Variants in DNM1 observed in about 807,000 individuals in gnomAD.
DNM1 encodes the protein dynamin 1.
In DNM1, 29 loss-of-function variants were observed where a neutral mutation model predicts 104.6. The observed-to-expected ratio is 0.28, with a 90% CI of 0.21 to 0.38. The LOEUF (loss-of-function observed/expected upper bound fraction) is 0.38. DNM1 is among the 10% of genes least tolerant of loss of function. The probability of loss-of-function intolerance (pLI) is 1.00; values close to 1 mark genes in which losing one functional copy is unlikely to be tolerated. For missense variants in DNM1, 640 were observed against 1,189.4 expected (o/e 0.54, Z 6.79); for synonymous variants, 445 against 475.8 (o/e 0.94, Z 0.84).
At chr9:128,204,509 A>C (rs977414110) in intron 1 of DNM1, 27 of 152,260 alleles carry the variant, frequency 1.8e-4, no homozygotes, top group African/African-American at 6.3e-4. Context: ...TAGGTGGCGG[A>C]GAGAGGAACA....
In DNM1 at chr9:128,218,759, C is replaced by A. The variant is rs778852942; in HGVS notation, c.385+28C>A. On this transcript the variant is annotated intron_variant, in intron 3 of 21. Transcript: ENST00000372923. This position sits in a 1 kb window ranked among gnomAD's most constrained non-coding sequence, Gnocchi z 4.8. ...GAGGACCCTGGCCCCGCCCTAACCT[C>A]TAAGAATCATTTTCTTGGCCACGCA... The A allele has an allele frequency of 5.4e-5, 85 of 1,567,960 alleles. 1 individual carries two copies. The South Asian group carries it at 5.9e-4, about 11-fold the overall frequency.
intron 11 of DNM1, among the ~76,000 whole-genome samples, chr9:128,238,104 C>G (rs1836123445): frequency 6.6e-6 from 1 of 151,286 alleles, no homozygotes; most frequent in Admixed American, 6.6e-5. Flanking sequence ...TAAATATTGC[C>G]AAATTGCCCT....
chr9:128,216,567 G>A (rs929089074), intron 1 of DNM1, among the ~76,000 whole-genome samples: 1 of 152,194 alleles, frequency 6.6e-6, no homozygotes, highest in Non-Finnish European at 1.5e-5. Context: ...GCGCAGAAAT[G>A]ATGAATATAC....
At position 128,254,959 on chromosome 9, in the gene DNM1, GCCAA is replaced by G. The variant is rs919688644; in HGVS notation, c.*248_*251del. ...TCATATATATACACACCTACACATG[GCCAA>G]CCGCCTCGCCTCTAGCGCTGGGAAT... On this transcript the variant is annotated 3_prime_UTR_variant, in exon 22 of 22. Transcript: ENST00000372923. The surrounding 1 kb of genome is among the most constrained non-coding windows in gnomAD (Gnocchi z 6.1). The G allele has an allele frequency of 1.2e-5, 5 of 414,430 alleles. No homozygotes were observed. The highest frequency in any genetic ancestry group is 1.3e-5 in the Non-Finnish European group (3 of 234,418). 25.7% of individuals were successfully genotyped at this position (414,430 alleles called of 1,614,324 possible). A position where few individuals can be genotyped will look rare whatever the true frequency, so the allele number is the denominator to read the frequency against.
rs1032611723 is a variant in DNM1 at position 128,218,153 on chromosome 9, AG to A, written c.162-74del. The A allele has an allele frequency of 7.0e-7, 1 of 1,425,030 alleles. No individual in the cohort carries two copies. The highest frequency in any genetic ancestry group is 1.4e-5 in the African/African-American group (1 of 71,060). The allele number at this position is 1,425,030 out of a possible 1,614,324, so 88.3% of individuals were successfully genotyped here. ...CTTTGGAAGGAGCTTTGGCTTTCCC[AG>A]GGGCCGGACAGGTACCCCTGGGACA... On this transcript the variant is annotated intron_variant, in intron 1 of 21. Coordinates refer to ENST00000372923, the MANE Select transcript of DNM1 (RefSeq NM_004408.4). This position sits in a 1 kb window ranked among gnomAD's most constrained non-coding sequence, Gnocchi z 4.8.
chr9:128,211,437 G>C (rs112112725), intron 1 of DNM1, among the ~76,000 whole-genome samples: 1,779 of 149,054 alleles, frequency 0.012, 18 homozygotes, highest in Middle Eastern at 0.029. Flanking sequence ...CTCCTGGGGT[G>C]CTATTGCATA....
chr9:128,248,905 A>C lies in DNM1; in HGVS notation c.2076+152A>C. On this transcript the variant is annotated intron_variant, in intron 19 of 21. Transcript: ENST00000372923. This position sits in a 1 kb window ranked among gnomAD's most constrained non-coding sequence, Gnocchi z 5.6. ...ACCAGAGCTGTCCAATAGAAATATC[A>C]TGAGGGGCTGGGCGCGGTGGCTCAC... 1.4e-4 allele frequency: 119 copies of C among 854,930 alleles called. No individual in the cohort carries two copies. The highest frequency in any genetic ancestry group is 1.8e-4 in the Non-Finnish European group (100 of 561,314). The allele number at this position is 854,930 out of a possible 1,614,324, so 53.0% of individuals were successfully genotyped here.
In DNM1 at chr9:128,253,921, G is replaced by A. The variant is rs1829686905; in HGVS notation, c.2535-733G>A. On this transcript the variant is annotated intron_variant, in intron 21 of 21. Transcript: ENST00000372923. This position sits in a 1 kb window ranked among gnomAD's most constrained non-coding sequence, Gnocchi z 5.9. The stretch of plus-strand genomic sequence containing the variant: ...GTGCCATTCAGCCAAGGGGACGACC[G>A]TGCCTGCTGGCCCAGCTGAGCTCCG... 1.1e-5 allele frequency: 14 copies of A among 1,231,914 alleles called. No individual in the cohort carries two copies. Among genetic ancestry groups the A allele is most frequent in the African/African-American group, 1.6e-5 (1 of 64,472 alleles). 76.3% of individuals were successfully genotyped at this position (1,231,914 alleles called of 1,614,324 possible).
In DNM1 at chr9:128,248,594, C is replaced by T. The variant is rs528464319; in HGVS notation, c.1917C>T (p.Thr639=). 33 of 1,613,654 alleles carry T rather than the reference C, an allele frequency of 2.0e-5. No homozygotes were observed. The highest frequency in any genetic ancestry group is 3.3e-5 in the Admixed American group (2 of 60,000). Residue 639 remains threonine, a synonymous_variant, in exon 19 of 22, where the codon ACC becomes ACT. Transcript: ENST00000372923. The surrounding 1 kb of genome is among the most constrained non-coding windows in gnomAD (Gnocchi z 5.6). ...RVGDKEKASE[T]EENGSDSFMH... ...GTTCTCCATGGCAGGCCAGCGAGACCGAGGAGAATGGCTCCGACAGCTTCA... is the reference window on the plus strand; with the variant it reads ...GTTCTCCATGGCAGGCCAGCGAGACTGAGGAGAATGGCTCCGACAGCTTCA...
chr9:128,252,350 T>C (rs745953573), intron 21 of DNM1: 1 of 370,766 alleles, frequency 2.7e-6, no homozygotes. Context: ...CATGAAACAT[T>C]TGGCAAATCA....
In DNM1 at chr9:128,250,341, T is replaced by C; in HGVS notation, c.2303T>C (p.Val768Ala). 3 of 1,589,870 alleles carry C rather than the reference T, an allele frequency of 1.9e-6. No individual in the cohort carries two copies. The highest frequency in any genetic ancestry group is 2.6e-6 in the Non-Finnish European group (3 of 1,169,078). Residue 768 changes from valine to alanine, a missense_variant, in exon 20 of 22, where the codon GTA becomes GCA. Around this residue, in one of 7 missense-constraint regions of DNM1, gnomAD observed 129 missense variants for 224.6 expected, o/e 0.57. Transcript: ENST00000372923. ...VDDSWLQVQS[V>A]PAGRRSPTSS... ...GACTCCTGGCTGCAGGTGCAGAGCG[T>C]ACCGGCCGGACGCAGGTACCAGGGC...
At chr9:128,225,402 C>T (rs1313642555) in intron 10 of DNM1, among the ~76,000 whole-genome samples, 1 of 152,190 alleles carries the variant, frequency 6.6e-6, no homozygotes, top group Admixed American at 6.5e-5. Flanking sequence ...GGCTGCTATA[C>T]TGCAACCCTA....
rs1829428756 is a variant in DNM1 at position 128,250,222 on chromosome 9, G to A, written c.2184G>A (p.Met728Ile). Residue 728 changes from methionine to isoleucine, a missense_variant, in exon 20 of 22, where the codon ATG becomes ATA. By Grantham distance (10) the Met-to-Ile change is conservative (BLOSUM62 1). This residue lies in a region of DNM1 where 129 missense variants were observed against 224.6 expected (regional missense o/e 0.57). Transcript: ENST00000372923. ...SAEQAQRRDE[M>I]LRMYHALKEA... ...AGCAGGCACAGCGGCGCGACGAGAT[G>A]CTGCGCATGTACCACGCACTGAAGG... The A allele has an allele frequency of 6.2e-7, 1 of 1,614,038 alleles. No homozygotes were observed. The highest frequency in any genetic ancestry group is 1.3e-5 in the African/African-American group (1 of 74,958).
intron 1 of DNM1, among the ~76,000 whole-genome samples, chr9:128,208,220 C>T (rs111897201): frequency 0.021 from 3,216 of 152,092 alleles, 106 homozygotes; most frequent in African/African-American, 0.072. Context: ...CCACCACGCC[C>T]GGCTAATTTT....
Position 128,220,726 on chromosome 9 carries a change from A to AGCGCAC in DNM1, c.849+386_849+387insCGCACG, listed in dbSNP as rs747195864. Among the ~76,000 whole-genome samples the AGCGCAC allele has an allele frequency of 7.5e-6, 1 of 133,392 alleles. No homozygotes were observed. The highest frequency in any genetic ancestry group is 1.6e-5 in the Non-Finnish European group (1 of 61,210). 87.5% of individuals were successfully genotyped at this position (133,392 alleles called of 152,430 possible). On this transcript the variant is annotated intron_variant, in intron 6 of 21. Coordinates refer to ENST00000372923, the MANE Select transcript of DNM1 (RefSeq NM_004408.4). The surrounding 1 kb of genome is among the most constrained non-coding windows in gnomAD (Gnocchi z 5.2). ...TCTGGAATGGGGCATCCAGAACTGA[A>AGCGCAC]GTGCGCGCGCGCGCGCGTGTGTGTG... is the stretch of plus-strand genomic sequence containing the variant.
rs557782758 is a variant in DNM1, at chr9:128,228,982, C to CA, written c.1335+4603dup. ...TGGGCGACAGAGCCAGACTCCATCT[C>CA]AAAAAAAAAAGAAAGAAAGAAAAAG... On this transcript the variant is annotated intron_variant, in intron 10 of 21. Coordinates refer to ENST00000372923, the MANE Select transcript of DNM1 (RefSeq NM_004408.4). Among the ~76,000 whole-genome samples, 488 of 133,502 alleles carry CA rather than the reference C, an allele frequency of 3.7e-3. 2 individuals are homozygous for CA. The highest frequency in any genetic ancestry group is 6.3e-3 in the Non-Finnish European group (395 of 62,596). The allele number at this position is 133,502 out of a possible 152,430, so 87.6% of individuals were successfully genotyped here. A position where few individuals can be genotyped will look rare whatever the true frequency, so the allele number is the denominator to read the frequency against.
In DNM1 at chr9:128,250,889, C is replaced by T. The variant is rs901408697; in HGVS notation, c.2483C>T (p.Pro828Leu). ...GGGGCTTCCCCTGACCCTTTCGGCC[C>T]TCCCCCTCAGGTGCCCTCGCGCCCC... ...RPGASPDPFGPPPQVPSRPNR... is the reference protein window; with the variant it reads ...RPGASPDPFGLPPQVPSRPNR... Residue 828 changes from proline to leucine, a missense_variant, in exon 21 of 22, where the codon CCT (proline) becomes CTT (leucine). Physicochemically the swap from Pro to Leu is moderately conservative, Grantham distance 98. Coordinates refer to ENST00000372923, the MANE Select transcript of DNM1 (RefSeq NM_004408.4). 2.6e-5 allele frequency: 36 copies of T among 1,361,188 alleles called. No individual in the cohort carries two copies. Among genetic ancestry groups the T allele is most frequent in the Non-Finnish European group, 3.4e-5 (36 of 1,061,028 alleles). 84.3% of individuals were successfully genotyped at this position (1,361,188 alleles called of 1,614,324 possible). A position where few individuals can be genotyped will look rare whatever the true frequency, so the allele number is the denominator to read the frequency against.
Position 128,207,107 on chromosome 9 carries a change from T to C in DNM1, c.161+3476T>C, listed in dbSNP as rs973479000. On this transcript the variant is annotated intron_variant, in intron 1 of 21. Coordinates refer to ENST00000372923, the MANE Select transcript of DNM1 (RefSeq NM_004408.4). ...CTTCTGGGACTTTGACCTGAGCTCC[T>C]GGGTGGGTGTTGGTGCCATTAACAG... Among the ~76,000 whole-genome samples, 3 of 151,974 alleles carry C rather than the reference T, an allele frequency of 2.0e-5. No homozygotes were observed. In the East Asian group the frequency reaches 5.8e-4, roughly 29 times the overall value.
At position 128,247,025 on chromosome 9, in the gene DNM1, C is replaced by T. The variant is rs1194826057; in HGVS notation, c.1782-350C>T. The T allele has an allele frequency of 2.5e-5, 6 of 237,220 alleles. No homozygotes were observed. The South Asian group carries it at 4.9e-4, about 19-fold the overall frequency. 14.7% of individuals were successfully genotyped at this position (237,220 alleles called of 1,614,324 possible). A position where few individuals can be genotyped will look rare whatever the true frequency, so the allele number is the denominator to read the frequency against. ...ACTCGGAGATGAGAGTTCAGTCCAG[C>T]GGCCATCAGAGGGGTCCTTAGAGAG... On this transcript the variant is annotated intron_variant, in intron 16 of 21. Coordinates refer to ENST00000372923, the MANE Select transcript of DNM1 (RefSeq NM_004408.4). The surrounding 1 kb of genome is among the most constrained non-coding windows in gnomAD (Gnocchi z 5.1).
Sources: allele counts gnomAD v4.1 joint callset (sites outside exome capture counted in the v4.1 genomes callset), GRCh38; gene constraint gnomAD v4.1.1; regional missense constraint gnomAD v4.1.1; non-coding constraint Gnocchi (gnomAD v3.1); transcripts MANE v1.5; gene names NCBI Gene and HGNC (gene_info 2026-07-23, HGNC 2026-07-21).